The following NPPA variants were observed in gnomAD, a reference collection of about 807,000 sequenced individuals.
The protein encoded by NPPA is natriuretic peptides A.
Under a neutral mutation model 12.2 loss-of-function variants are expected in NPPA, and 10 were observed. The ratio of observed to expected loss-of-function variants is 0.82; its 90% CI spans 0.50 to 1.38. The LOEUF is 1.38. NPPA is among the 40% of genes most tolerant of loss of function. The probability of loss-of-function intolerance (pLI) is 0.00; values close to 1 mark genes in which losing one functional copy is unlikely to be tolerated. For missense variants in NPPA, 207 were observed against 193.5 expected, an observed-to-expected ratio of 1.07 and a Z score of -0.41; for synonymous variants, 85 against 80.2, an observed-to-expected ratio of 1.06 and a Z score of -0.32.
Position 11,847,409 on chromosome 1 carries a change from G to T in NPPA, c.154C>A (p.Pro52Thr). ...NLLDHLEEKM[P>T]LEDEVVPPQV... ...GGGGGCACGACCTCATCTTCTAAAGGCATCTTTTCTTCCAAATGGTCCAGC... is the reference window on the plus strand; with the variant it reads ...GGGGGCACGACCTCATCTTCTAAAGTCATCTTTTCTTCCAAATGGTCCAGC... The change falls in exon 2 of 3, where the codon CCT becomes ACT. Residue 52 changes from proline to threonine, a missense_variant. Coordinates refer to ENST00000376480, the MANE Select transcript of NPPA (RefSeq NM_006172.4). 1.2e-6 allele frequency: 2 copies of T among 1,614,082 alleles called. No individual in the cohort carries two copies. The highest frequency in any genetic ancestry group is 1.7e-6 in the Non-Finnish European group (2 of 1,180,016).
chr1:11,847,696 C>T lies in NPPA; in HGVS notation c.-12G>A. ...GAGAAGGAGCTCATGCTGGCGTCGTCAAGGAGCAATCCACTGCTTGCTGCT... is the reference window on the plus strand; with the variant it reads ...GAGAAGGAGCTCATGCTGGCGTCGTTAAGGAGCAATCCACTGCTTGCTGCT... On this transcript the variant is annotated 5_prime_UTR_variant, in exon 1 of 3. Coordinates refer to ENST00000376480, the MANE Select transcript of NPPA (RefSeq NM_006172.4). 12 of 1,614,050 alleles carry T rather than the reference C, an allele frequency of 7.4e-6. No individual in the cohort carries two copies. Among genetic ancestry groups the T allele is most frequent in the South Asian group, 1.1e-5 (1 of 91,060 alleles).
In NPPA at chr1:11,847,015, C is replaced by T; in HGVS notation, c.450+98G>A. On this transcript the variant is annotated intron_variant, in intron 2 of 2. Transcript: ENST00000376480. Reference sequence around the variant, plus strand: ...GGCACTCTGGGTGTTGGGGCAGAAACTTGAGAGGGAATGAGCTTCTGCATT... The same window carrying T: ...GGCACTCTGGGTGTTGGGGCAGAAATTTGAGAGGGAATGAGCTTCTGCATT... 3 of 1,106,730 alleles carry T rather than the reference C, an allele frequency of 2.7e-6. No individual in the cohort carries two copies. In the South Asian group the frequency reaches 5.4e-5, roughly 20 times the overall value. The allele number at this position is 1,106,730 out of a possible 1,614,324, so 68.6% of individuals were successfully genotyped here.
At chr1:11,847,504 T>A in intron 1 of NPPA, 58 bp downstream of exon 1, 5 of 1,613,814 alleles carry the variant, frequency 3.1e-6, no homozygotes, top group Non-Finnish European at 4.2e-6. Flanking sequence ...TCAAGAGGAG[T>A]GAGCACAGCA....
intron 2 of NPPA, among the ~76,000 whole-genome samples, chr1:11,846,657 C>T (rs1162586376): frequency 7.0e-6 from 1 of 142,966 alleles, no homozygotes; most frequent in Non-Finnish European, 1.5e-5. Flanking sequence ...GCTCTATCAC[C>T]TAGGCTGGAC....
At chr1:11,846,949 A>G (rs1320617157) in intron 2 of NPPA, among the ~76,000 whole-genome samples, 164 bp downstream of exon 2, 2 of 141,372 alleles carry the variant, frequency 1.4e-5, no homozygotes, top group African/African-American at 2.6e-5. Flanking sequence ...TTCTCAGCAG[A>G]CTAGCTAAGG....
intron 2 of NPPA, among the ~76,000 whole-genome samples, chr1:11,846,892 G>A (rs1363133983): frequency 1.3e-5 from 2 of 149,354 alleles, no homozygotes; most frequent in African/African-American, 5.0e-5. Flanking sequence ...GGGATTACAG[G>A]CGTGAGCCAC....
At chr1:11,846,856 C>T (rs198368) in intron 2 of NPPA, among the ~76,000 whole-genome samples, 3 of 150,974 alleles carry the variant, frequency 2.0e-5, no homozygotes, top group East Asian at 1.9e-4. Flanking sequence ...CCTCATGATC[C>T]GCCTGCCTCG....
At chr1:11,847,524 C>A (rs1289392782) in intron 1 of NPPA, 38 bp downstream of exon 1, 1 of 1,614,168 alleles carries the variant, frequency 6.2e-7, no homozygotes, top group Non-Finnish European at 8.5e-7. Flanking sequence ...ATCAGAAAGC[C>A]CCCTGGCCCC....
chr1:11,846,995 TC>T, intron 2 of NPPA, 117 bp downstream of exon 2: 1 of 770,076 alleles, frequency 1.3e-6, no homozygotes, highest in Non-Finnish European at 1.9e-6. Flanking sequence ...CATGGGGCAC[TC>T]TGGGTGTTGG....
rs780139642 is a variant in NPPA at position 11,847,232 on chromosome 1, G to A, written c.331C>T (p.Leu111=). 2.5e-6 allele frequency: 4 copies of A among 1,612,570 alleles called. No individual in the cohort carries two copies. The highest frequency in any genetic ancestry group is 3.4e-6 in the Non-Finnish European group (4 of 1,178,764). ...AGCAGCGCCCTCAGCTTGCTTTTTA[G>A]GAGGGCAGATCGATCAGAGGAGTCC... The part of the protein sequence containing the change: ...PWDSSDRSAL[L]KSKLRALLTA... The change falls in exon 2 of 3, where the codon CTA becomes TTA. Residue 111 remains leucine (L), a synonymous_variant. Coordinates refer to ENST00000376480, the MANE Select transcript of NPPA (RefSeq NM_006172.4).
rs1645065699 is a variant in NPPA at position 11,845,985 on chromosome 1, G to C, written c.*24C>G. ...GCAGTCTGTCCCTAGGCCCAGCCCTGCTTGTCCTCCCTGGCTGTTATCTTC... is the reference window on the plus strand; with the variant it reads ...GCAGTCTGTCCCTAGGCCCAGCCCTCCTTGTCCTCCCTGGCTGTTATCTTC... On this transcript the variant is annotated 3_prime_UTR_variant, in exon 3 of 3. Coordinates refer to ENST00000376480, the MANE Select transcript of NPPA (RefSeq NM_006172.4). The C allele has an allele frequency of 1.9e-6, 3 of 1,613,412 alleles. No individual in the cohort carries two copies. The highest frequency in any genetic ancestry group is 1.7e-4 in the Middle Eastern group (1 of 6,060).
chr1:11,847,731 C>T lies in NPPA; in HGVS notation c.-47G>A, dbSNP rs372516808. 26 of 1,613,032 alleles carry T rather than the reference C, an allele frequency of 1.6e-5. No individual in the cohort carries two copies. In the Admixed American group the frequency reaches 2.3e-4, roughly 14 times the overall value. The stretch of plus-strand genomic sequence containing the variant: ...TCCACTGCTTGCTGCTCTGTCTCTC[C>T]CCTCTGGTTCCTCTCTGGTTCCCCT... On this transcript the variant is annotated 5_prime_UTR_variant, in exon 1 of 3. Transcript: ENST00000376480.
At chr1:11,847,067 C>G (rs763919651) in intron 2 of NPPA, 46 bp downstream of exon 2, 5 of 1,490,128 alleles carry the variant, frequency 3.4e-6, no homozygotes, top group Non-Finnish European at 4.5e-6. Flanking sequence ...AAGGTGTCTC[C>G]CAGTAGTGTC....
Position 11,847,365 on chromosome 1 carries a change from C to G in NPPA, c.198G>C (p.Pro66=), listed in dbSNP as rs767807184. ...TGAGAGCAGCCCCCGCTTCTTCATT[C>G]GGCTCACTGAGCACTTGTGGGGGCA... is the stretch of plus-strand genomic sequence containing the variant. ...EVVPPQVLSE[P]NEEAGAALSP... The change falls in exon 2 of 3, where the codon CCG becomes CCC. Residue 66 remains proline, a synonymous_variant. Coordinates refer to ENST00000376480, the MANE Select transcript of NPPA (RefSeq NM_006172.4). The G allele has an allele frequency of 1.2e-6, 2 of 1,613,796 alleles. No homozygotes were observed. The highest frequency in any genetic ancestry group is 1.7e-5 in the Admixed American group (1 of 59,972).
intron 2 of NPPA, among the ~76,000 whole-genome samples, chr1:11,846,831 G>A (rs1230891690): frequency 6.6e-6 from 1 of 151,202 alleles, no homozygotes; most frequent in African/African-American, 2.4e-5. Flanking sequence ...GGCCAGGATA[G>A]TCTTGATCTC....
At chr1:11,846,443 C>T (rs541881611) in intron 2 of NPPA, among the ~76,000 whole-genome samples, 13 of 151,602 alleles carry the variant, frequency 8.6e-5, no homozygotes, top group Non-Finnish European at 1.3e-4. Context: ...CCTCAGCCTC[C>T]GGAGTAGCTA....
rs67372226 is a variant in NPPA, at chr1:11,846,911, G to GC, written c.450+201dup. Among the ~76,000 whole-genome samples, 1,123 of 138,874 alleles carry GC rather than the reference G, an allele frequency of 8.1e-3. 8 individuals carry two copies. Among genetic ancestry groups the GC allele is most frequent in the African/African-American group, 0.019 (744 of 38,730 alleles). 91.1% of individuals were successfully genotyped at this position (138,874 alleles called of 152,430 possible). On this transcript the variant is annotated intron_variant, in intron 2 of 2. Coordinates refer to ENST00000376480, the MANE Select transcript of NPPA (RefSeq NM_006172.4). ...TTACAGGCGTGAGCCACTGTGCCCA[G>GC]CCCCCCCCCCTTTTTTTTTTAAGCA...
rs760988004 is a variant in NPPA, at chr1:11,847,429, T to C, written c.134A>G (p.Asp45Gly). 8 of 1,613,934 alleles carry C rather than the reference T, an allele frequency of 5.0e-6. No homozygotes were observed. In the Admixed American group the frequency reaches 8.3e-5, roughly 17 times the overall value. The change falls in exon 2 of 3, where the codon GAC becomes GGC. Residue 45 changes from aspartate to glycine, a missense_variant. By Grantham distance (94) the Asp-to-Gly change is moderately conservative. Coordinates refer to ENST00000376480, the MANE Select transcript of NPPA (RefSeq NM_006172.4). ...ADLMDFKNLLDHLEEKMPLED... is the reference protein window; with the variant it reads ...ADLMDFKNLLGHLEEKMPLED... Reference sequence around the variant, plus strand: ...TAAAGGCATCTTTTCTTCCAAATGGTCCAGCAAATTCTTTAGAAAAGGAAA... The same window carrying C: ...TAAAGGCATCTTTTCTTCCAAATGGCCCAGCAAATTCTTTAGAAAAGGAAA...
intron 2 of NPPA, 125 bp from the exon 3 acceptor site, chr1:11,846,139 C>G: frequency 1.1e-6 from 1 of 910,178 alleles, no homozygotes; most frequent in South Asian, 1.3e-5. Context: ...CCGGCCCCCA[C>G]CCCAGCCTGA....
Sources: gnomAD v4.1 joint callset for allele counts (sites outside exome capture counted in the v4.1 genomes callset) on GRCh38, gnomAD v4.1.1 for gene constraint, MANE v1.5 for transcripts, NCBI Gene and HGNC (gene_info 2026-07-23, HGNC 2026-07-21) for gene names.